Variants in HECW1 observed in about 807,000 individuals in gnomAD.
HECW1 encodes the protein E3 ubiquitin-protein ligase HECW1.
HECW1 carries 61 observed loss-of-function variants against 182.3 expected under a neutral mutation model. The observed-to-expected ratio is 0.33, with a 90% CI of 0.27 to 0.41. The LOEUF (loss-of-function observed/expected upper bound fraction) is 0.41. Among genes scored for constraint, HECW1 ranks in the 10% least tolerant of loss-of-function variants. The pLI is 1.00. For synonymous variants in HECW1, 859 were observed against 832.6 expected, an observed-to-expected ratio of 1.03 and a Z score of -0.55; for missense variants, 1,739 against 2,108.9, an observed-to-expected ratio of 0.82 and a Z score of 3.44.
intron 2 of HECW1, among the ~76,000 whole-genome samples, chr7:43,127,130 A>C (rs761450620): frequency 3.7e-4 from 57 of 152,200 alleles, no homozygotes; most frequent in Non-Finnish European, 7.6e-4. Flanking sequence ...GTCAAAAGCT[A>C]AGCCTCTTGC....
chr7:43,466,382 G>T, intron 14 of HECW1, 65 bp from the exon 15 acceptor site: 1 of 1,554,404 alleles, frequency 6.4e-7, no homozygotes. Flanking sequence ...TGTCAGGAGC[G>T]AAGTACAGAG....
intron 11 of HECW1, among the ~76,000 whole-genome samples, chr7:43,446,239 A>G (rs767667): frequency 0.62 from 93,593 of 152,022 alleles, 28,963 homozygotes; most frequent in Admixed American, 0.65. Context: ...TTTGTTTCCA[A>G]TAAGAATCAA....
At chr7:43,169,653 A>G (rs928605717) in intron 2 of HECW1, among the ~76,000 whole-genome samples, 1 of 147,798 alleles carries the variant, frequency 6.8e-6, no homozygotes, top group East Asian at 2.0e-4. Flanking sequence ...AAAGTACATT[A>G]TATTGCTTTT....
intron 19 of HECW1, among the ~76,000 whole-genome samples, chr7:43,494,082 A>C (rs2079029636): frequency 6.6e-6 from 1 of 152,118 alleles, no homozygotes; most frequent in African/African-American, 2.4e-5. Flanking sequence ...GGAATCACTG[A>C]CAGCTTCAAG....
chr7:43,514,125 A>T (rs1012645626), intron 24 of HECW1, among the ~76,000 whole-genome samples: 2 of 152,126 alleles, frequency 1.3e-5, no homozygotes, highest in Admixed American at 6.5e-5. Context: ...AAAGATGGGA[A>T]ATTAGTGGAG....
chr7:43,250,192 A>ATT, intron 3 of HECW1, among the ~76,000 whole-genome samples: 1 of 152,002 alleles, frequency 6.6e-6, no homozygotes, highest in African/African-American at 2.4e-5. Flanking sequence ...ATTTGGTAGC[A>ATT]TTGTATTTGT....
intron 2 of HECW1, among the ~76,000 whole-genome samples, chr7:43,225,005 T>C (rs1391367962): frequency 1.3e-5 from 2 of 152,072 alleles, no homozygotes; most frequent in African/African-American, 4.8e-5. Context: ...TCGGGGCCTA[T>C]TGAGTGTTTT....
chr7:43,442,412 G>T (rs772526702), intron 9 of HECW1, 117 bp from the exon 10 acceptor site: 13 of 668,116 alleles, frequency 1.9e-5, no homozygotes, highest in Non-Finnish European at 3.6e-5. Flanking sequence ...TTGCTGTTGA[G>T]CACATCAGGA....
chr7:43,269,354 C>G (rs758085119), intron 3 of HECW1, among the ~76,000 whole-genome samples: 2 of 152,222 alleles, frequency 1.3e-5, no homozygotes, highest in South Asian at 4.1e-4. Flanking sequence ...AAGTTGCCCC[C>G]GATCCCTTTC....
chr7:43,249,944 G>C (rs1351223115), intron 3 of HECW1, among the ~76,000 whole-genome samples: 1 of 152,068 alleles, frequency 6.6e-6, no homozygotes, highest in African/African-American at 2.4e-5. Context: ...AGGATAGCAC[G>C]GTATGTCAGC....
chr7:43,326,837 C>T (rs569985010), intron 5 of HECW1, among the ~76,000 whole-genome samples: 2 of 152,350 alleles, frequency 1.3e-5, no homozygotes, highest in African/African-American at 2.4e-5. Flanking sequence ...GTGGCCTTCT[C>T]TCCCTTGACA....
Position 43,473,981 on chromosome 7 carries a change from A to G in HECW1, c.3099+4876A>G, listed in dbSNP as rs557573008. Among the ~76,000 whole-genome samples the G allele has an allele frequency of 1.1e-4, 17 of 152,332 alleles. No individual in the cohort carries two copies. The South Asian group carries it at 1.4e-3, about 13-fold the overall frequency. On this transcript the variant is annotated intron_variant, in intron 16 of 29. Transcript: ENST00000395891. ...GGAAACATGATAAACTTAGATACCAAAAGGAAAACACTCTCAGCTTTGGTA... is the reference window on the plus strand; with the variant it reads ...GGAAACATGATAAACTTAGATACCAGAAGGAAAACACTCTCAGCTTTGGTA...
At chr7:43,335,168 A>G (rs2152794865) in intron 5 of HECW1, among the ~76,000 whole-genome samples, 1 of 152,348 alleles carries the variant, frequency 6.6e-6, no homozygotes, top group East Asian at 1.9e-4. Context: ...GTTCAGGAAC[A>G]TGCAGAAAAA....
chr7:43,223,684 T>G (rs1797184709), intron 2 of HECW1, among the ~76,000 whole-genome samples: 1 of 152,114 alleles, frequency 6.6e-6, no homozygotes, highest in Admixed American at 6.5e-5. Context: ...GGTTTCCTAT[T>G]CCTTGGGAGT....
At chr7:43,126,697 C>T (rs368679734) in intron 2 of HECW1, among the ~76,000 whole-genome samples, 1 of 152,154 alleles carries the variant, frequency 6.6e-6, no homozygotes, top group Admixed American at 6.5e-5. Flanking sequence ...TCTATCGGTG[C>T]CATTTTTTCC....
Position 43,264,842 on chromosome 7 carries a change from T to TAAAA in HECW1, c.27+20928_27+20931dup, listed in dbSNP as rs36094358. On this transcript the variant is annotated intron_variant, in intron 3 of 29. Transcript: ENST00000395891. Reference sequence around the variant, plus strand: ...CCGGGCGACAGAGTGAGACTCGGTTTAAAAAAAAAAAAAAAAAAAAATTGC... The same window carrying TAAAA: ...CCGGGCGACAGAGTGAGACTCGGTTTAAAAAAAAAAAAAAAAAAAAAAAAATTGC... Among the ~76,000 whole-genome samples the TAAAA allele has an allele frequency of 1.7e-3, 220 of 129,148 alleles. 1 individual carries two copies. Among genetic ancestry groups the TAAAA allele is most frequent in the African/African-American group, 5.7e-3 (192 of 33,938 alleles). The allele number at this position is 129,148 out of a possible 152,430, so 84.7% of individuals were successfully genotyped here. A position where few individuals can be genotyped will look rare whatever the true frequency, so the allele number is the denominator to read the frequency against.
intron 5 of HECW1, among the ~76,000 whole-genome samples, chr7:43,342,388 TGGA>T (rs1813107472): frequency 1.3e-5 from 2 of 151,838 alleles, no homozygotes; most frequent in Admixed American, 1.3e-4. Context: ...GAAATACAAA[TGGA>T]TATACTGCCA....
chr7:43,312,314 T>A (rs929743486), intron 4 of HECW1, among the ~76,000 whole-genome samples: 1 of 152,146 alleles, frequency 6.6e-6, no homozygotes, highest in South Asian at 2.1e-4. Context: ...TATAGCAGAG[T>A]CAGGTGTGGT....
chr7:43,348,757 T>C (rs1350236250), intron 5 of HECW1, among the ~76,000 whole-genome samples: 1 of 152,228 alleles, frequency 6.6e-6, no homozygotes, highest in Non-Finnish European at 1.5e-5. Context: ...CATCTTGATT[T>C]CGTTTTTGAC....
Sources: allele counts gnomAD v4.1 joint callset (sites outside exome capture counted in the v4.1 genomes callset), GRCh38; gene constraint gnomAD v4.1.1; transcripts MANE v1.5; gene names NCBI Gene and HGNC (gene_info 2026-07-23, HGNC 2026-07-21).